NELL1: variants seen among roughly 807,000 people sequenced by gnomAD.
NELL1 encodes the protein neural EGFL like 1.
A neutral mutation model predicts 107.4 loss-of-function variants in NELL1; 76 were observed. The observed-to-expected ratio is 0.71, with a 90% CI of 0.59 to 0.86. NELL1 has a LOEUF of 0.86. Ranked by LOEUF, NELL1 falls within the 40% of genes least tolerant of loss-of-function variation. The pLI is 0.00. For missense variants in NELL1, 1,024 were observed against 1,005.5 expected (o/e 1.02, Z -0.25); for synonymous variants, 353 against 341.2 (o/e 1.03, Z -0.38).
intron 4 of NELL1, among the ~76,000 whole-genome samples, chr11:20,875,061 T>C (rs1329312538): frequency 2.6e-5 from 4 of 152,248 alleles, no homozygotes; most frequent in Admixed American, 1.3e-4. Flanking sequence ...TCTGGACAGA[T>C]TGACTCAGAA....
chr11:21,043,749 A>G (rs995660600), intron 12 of NELL1, among the ~76,000 whole-genome samples: 13 of 152,058 alleles, frequency 8.5e-5, no homozygotes, highest in Non-Finnish European at 1.3e-4. Flanking sequence ...TGAGTTTGAG[A>G]TATATTTATT....
At chr11:21,287,136 G>T (rs1013260316) in intron 14 of NELL1, among the ~76,000 whole-genome samples, 1 of 151,988 alleles carries the variant, frequency 6.6e-6, no homozygotes, top group South Asian at 2.1e-4. Context: ...TTTGGTTTGC[G>T]GCCAACTTTT....
intron 13 of NELL1, among the ~76,000 whole-genome samples, chr11:21,175,246 A>T (rs1856687683): frequency 6.6e-6 from 1 of 151,566 alleles, no homozygotes; most frequent in Non-Finnish European, 1.5e-5. Flanking sequence ...AATAGATGGG[A>T]TCTTCTTGTT....
intron 5 of NELL1, among the ~76,000 whole-genome samples, chr11:20,895,504 CTTTT>C (rs71063675): frequency 1.0e-5 from 1 of 100,020 alleles, no homozygotes; most frequent in South Asian, 4.1e-4. Flanking sequence ...TGATATTTGC[CTTTT>C]TTTTTTTTTT....
chr11:20,937,948 T>C, intron 10 of NELL1, 89 bp downstream of exon 10: 1 of 1,262,434 alleles, frequency 7.9e-7, no homozygotes, highest in Non-Finnish European at 1.2e-6. Flanking sequence ...GTGGGGCATA[T>C]TGGCCTGGAT....
chr11:21,217,057 A>C (rs1176468482), intron 13 of NELL1, among the ~76,000 whole-genome samples: 1 of 152,142 alleles, frequency 6.6e-6, no homozygotes, highest in Non-Finnish European at 1.5e-5. Flanking sequence ...AGTTACCTCC[A>C]TGCTGCTCTT....
intron 13 of NELL1, among the ~76,000 whole-genome samples, chr11:21,208,998 C>A (rs1857444862): frequency 6.6e-6 from 1 of 152,092 alleles, no homozygotes. Flanking sequence ...AGATAGTAAC[C>A]ATTGTGAAGA....
chr11:21,178,987 G>A lies in NELL1; in HGVS notation c.1427-50345G>A, dbSNP rs531908534. ...GAGAATCTGTAATCTGACTGAACAG[G>A]GGATAGGAAAGGGGCATAGTATTAC... On this transcript the variant is annotated intron_variant, in intron 13 of 19. Transcript: ENST00000357134. Among the ~76,000 whole-genome samples the A allele has an allele frequency of 1.7e-4, 26 of 151,814 alleles. No individual in the cohort carries two copies. The East Asian group carries it at 3.7e-3, about 21-fold the overall frequency.
chr11:21,126,778 A>G (rs569713518), intron 13 of NELL1, among the ~76,000 whole-genome samples: 1 of 152,360 alleles, frequency 6.6e-6, no homozygotes, highest in South Asian at 2.1e-4. Context: ...GACAGTGTTC[A>G]GACTGGGAAG....
chr11:21,462,377 T>C (rs192484189), intron 15 of NELL1, among the ~76,000 whole-genome samples: 2 of 152,248 alleles, frequency 1.3e-5, no homozygotes, highest in Admixed American at 1.3e-4. Flanking sequence ...TTAAATGCAA[T>C]GTCCTATTTT....
chr11:21,250,915 C>T (rs2133910182), intron 14 of NELL1, among the ~76,000 whole-genome samples: 1 of 152,222 alleles, frequency 6.6e-6, no homozygotes, highest in Admixed American at 6.5e-5. Context: ...GGTTGGGAAG[C>T]TCTTGAATTT....
chr11:21,392,208 C>T (rs925985141), intron 15 of NELL1, among the ~76,000 whole-genome samples: 1 of 151,802 alleles, frequency 6.6e-6, no homozygotes, highest in East Asian at 1.9e-4. Flanking sequence ...AAAAGAAAGG[C>T]AGTAGCCTGG....
At chr11:21,319,914 C>T (rs146247228) in intron 14 of NELL1, among the ~76,000 whole-genome samples, 1 of 152,002 alleles carries the variant, frequency 6.6e-6, no homozygotes, top group Non-Finnish European at 1.5e-5. Context: ...AGAGCTAGGA[C>T]TGTACCTTTT....
At chr11:21,253,272 T>G (rs1189939398) in intron 14 of NELL1, among the ~76,000 whole-genome samples, 1 of 152,164 alleles carries the variant, frequency 6.6e-6, no homozygotes, top group Non-Finnish European at 1.5e-5. Context: ...CTTTCTAGAC[T>G]ATTTTGTTAG....
At chr11:21,217,756 C>T (rs917579529) in intron 13 of NELL1, among the ~76,000 whole-genome samples, 3 of 152,096 alleles carry the variant, frequency 2.0e-5, no homozygotes, top group African/African-American at 7.2e-5. Flanking sequence ...TTACTTTGAA[C>T]AAAATAAAGC....
intron 12 of NELL1, among the ~76,000 whole-genome samples, chr11:21,058,259 A>G (rs202161666): frequency 6.6e-6 from 1 of 152,160 alleles, no homozygotes; most frequent in East Asian, 1.9e-4. Flanking sequence ...ATTAGAATAC[A>G]TTTTGAATTA....
chr11:21,482,660 T>C (rs576584010), intron 15 of NELL1, among the ~76,000 whole-genome samples: 41 of 151,962 alleles, frequency 2.7e-4, no homozygotes, highest in Non-Finnish European at 5.1e-4. Context: ...TACTAGACAC[T>C]GAACTCTTTG....
At chr11:21,333,855 G>A (rs1382333924) in intron 14 of NELL1, among the ~76,000 whole-genome samples, 1 of 152,054 alleles carries the variant, frequency 6.6e-6, no homozygotes, top group Non-Finnish European at 1.5e-5. Context: ...CTCAAAGGAA[G>A]TCTGTGGTAG....
intron 2 of NELL1, among the ~76,000 whole-genome samples, chr11:20,702,964 A>C (rs940821388): frequency 2.6e-5 from 4 of 152,102 alleles, no homozygotes; most frequent in Non-Finnish European, 5.9e-5. Flanking sequence ...AGTGGTCTAA[A>C]ATTCTCTTTT....
Sources: gnomAD v4.1 joint callset for allele counts (sites outside exome capture counted in the v4.1 genomes callset) on GRCh38, gnomAD v4.1.1 for gene constraint, MANE v1.5 for transcripts, NCBI Gene and HGNC (gene_info 2026-07-23, HGNC 2026-07-21) for gene names.